EPN2: variants seen among roughly 807,000 people sequenced by gnomAD.
The protein encoded by EPN2 is epsin-2.
A neutral mutation model predicts 61.7 loss-of-function variants in EPN2; 34 were observed. The ratio of observed to expected loss-of-function variants is 0.55; its 90% CI spans 0.42 to 0.73. The LOEUF (loss-of-function observed/expected upper bound fraction) is 0.73, where lower values mean the gene tolerates loss of function less well. EPN2 is among the 30% of genes least tolerant of loss of function. EPN2 has a pLI of 0.00. For missense variants in EPN2, 714 were observed against 839.2 expected (o/e 0.85, Z 1.84); for synonymous variants, 349 against 353.6 (o/e 0.99, Z 0.15).
At position 19,313,153 on chromosome 17, in the gene EPN2, C is replaced by G. The variant is rs771830294; in HGVS notation, c.1021C>G (p.Leu341Val). ...TACGCTGTTGGATTTAATGGATGCT[C>G]TCCCCAGCTCGGGCCCCGCGGCCCA... ...QTTLLDLMDA[L>V]PSSGPAAQKA... The change falls in exon 7 of 11, where the codon CTC (leucine) becomes GTC (valine). Residue 341 changes from leucine (L) to valine (V), a missense_variant. By Grantham distance (32) the Leu-to-Val change is conservative. This residue lies in a region of EPN2 where 410 missense variants were observed against 421.8 expected (regional missense o/e 0.97). Transcript: ENST00000314728. The G allele has an allele frequency of 1.2e-6, 2 of 1,613,756 alleles. No homozygotes were observed. Among genetic ancestry groups the G allele is most frequent in the African/African-American group, 2.7e-5 (2 of 74,900 alleles).
chr17:19,320,352 A>G (rs1363743847), intron 7 of EPN2, among the ~76,000 whole-genome samples: 1 of 152,108 alleles, frequency 6.6e-6, no homozygotes, highest in Non-Finnish European at 1.5e-5. Flanking sequence ...TGTTGCTTGG[A>G]TAGAACAAGG....
intron 1 of EPN2, among the ~76,000 whole-genome samples, chr17:19,272,451 CAT>C (rs558751586): frequency 5.3e-4 from 81 of 152,218 alleles, no homozygotes; most frequent in Middle Eastern, 3.4e-3. Flanking sequence ...TTGGGTTTCT[CAT>C]GACACCATGG....
chr17:19,321,586 G>GA (rs1031312511), intron 7 of EPN2, among the ~76,000 whole-genome samples: 1 of 152,176 alleles, frequency 6.6e-6, no homozygotes, highest in African/African-American at 2.4e-5. Context: ...AGGAGTGGGG[G>GA]ATAGAAGTAA....
Position 19,335,709 on chromosome 17 carries a change from C to G in EPN2, c.*1455C>G, listed in dbSNP as rs1480884410. On this transcript the variant is annotated 3_prime_UTR_variant, in exon 11 of 11. Coordinates refer to ENST00000314728, the MANE Select transcript of EPN2 (RefSeq NM_014964.5). The stretch of plus-strand genomic sequence containing the variant: ...AAGTTGGAGACCTAAAAATAATTCT[C>G]TTGTATTTTGGAGATGAAGAAAAAA... 1 of 379,084 alleles carries G rather than the reference C, an allele frequency of 2.6e-6. No homozygotes were observed. The highest frequency in any genetic ancestry group is 4.7e-6 in the Non-Finnish European group (1 of 213,500). 23.5% of individuals were successfully genotyped at this position (379,084 alleles called of 1,614,324 possible).
intron 1 of EPN2, among the ~76,000 whole-genome samples, chr17:19,239,354 G>A (rs540246091): frequency 9.7e-4 from 147 of 152,300 alleles, no homozygotes; most frequent in African/African-American, 3.4e-3. Flanking sequence ...ATTTCGCCAC[G>A]TTGGCCAGGC....
At chr17:19,306,428 A>G (rs1268209636) in intron 4 of EPN2, among the ~76,000 whole-genome samples, 2 of 152,228 alleles carry the variant, frequency 1.3e-5, no homozygotes, top group African/African-American at 4.8e-5. Context: ...CATCTGCAGA[A>G]CTGAAAGCTG....
In EPN2 at chr17:19,283,853, A is replaced by C. The variant is rs571373747; in HGVS notation, c.595+139A>C. 1.5e-6 allele frequency: 1 copy of C among 656,404 alleles called. No homozygotes were observed. Among genetic ancestry groups the C allele is most frequent in the African/African-American group, 1.8e-5 (1 of 55,030 alleles). 40.7% of individuals were successfully genotyped at this position (656,404 alleles called of 1,614,324 possible). ...CTCAGTACCCAGCTTTTGGTGGCCC[A>C]GGCAAATTGTCCTTGGTCTGGATTG... On this transcript the variant is annotated intron_variant, in intron 3 of 10. Transcript: ENST00000314728. This position sits in a 1 kb window ranked among gnomAD's most constrained non-coding sequence, Gnocchi z 7.0.
intron 1 of EPN2, among the ~76,000 whole-genome samples, chr17:19,239,303 C>T (rs2044856392): frequency 6.6e-6 from 1 of 152,152 alleles, no homozygotes; most frequent in Non-Finnish European, 1.5e-5. Flanking sequence ...GCACGCCATC[C>T]ACCACGCCCG....
rs142020702 is a variant in EPN2 at position 19,325,864 on chromosome 17, T to C, written c.1148-2847T>C. Among the ~76,000 whole-genome samples, 304 of 152,332 alleles carry C rather than the reference T, an allele frequency of 2.0e-3. 2 individuals carry two copies. The highest frequency in any genetic ancestry group is 6.9e-3 in the African/African-American group (289 of 41,590). ...GATAAGTTATTAGAATTAAGAATTA[T>C]TTGAATTATTATTAGAATCAATAAT... On this transcript the variant is annotated intron_variant, in intron 7 of 10. Coordinates refer to ENST00000314728, the MANE Select transcript of EPN2 (RefSeq NM_014964.5).
chr17:19,324,254 A>G (rs1906766578), intron 7 of EPN2, among the ~76,000 whole-genome samples: 1 of 152,242 alleles, frequency 6.6e-6, no homozygotes, highest in Non-Finnish European at 1.5e-5. Flanking sequence ...GAAAACCTTC[A>G]TACACCTAAA....
chr17:19,326,536 A>C (rs954238066), intron 7 of EPN2, among the ~76,000 whole-genome samples: 2 of 151,920 alleles, frequency 1.3e-5, no homozygotes, highest in Non-Finnish European at 2.9e-5. Context: ...AAATACAAAA[A>C]ATAAGCTGGG....
chr17:19,291,575 C>G (rs2045465767), intron 4 of EPN2, among the ~76,000 whole-genome samples: 1 of 151,642 alleles, frequency 6.6e-6, no homozygotes, highest in Non-Finnish European at 1.5e-5. Context: ...GTAGCTGGGA[C>G]TACAGGCGCC....
chr17:19,329,374 C>CTTATA, intron 8 of EPN2, 187 bp from the exon 9 acceptor site: 1 of 548,616 alleles, frequency 1.8e-6, no homozygotes, highest in Non-Finnish European at 3.2e-6. Context: ...CTCCCTGTCT[C>CTTATA]CCCTCCCAGC....
At chr17:19,300,432 T>TTTTC (rs1456834807) in intron 4 of EPN2, among the ~76,000 whole-genome samples, 2 of 146,312 alleles carry the variant, frequency 1.4e-5, no homozygotes, top group East Asian at 4.0e-4. Flanking sequence ...TAAATCTTTT[T>TTTTC]TTTTTTTTTT....
intron 4 of EPN2, among the ~76,000 whole-genome samples, chr17:19,302,957 A>G (rs886996083): frequency 2.0e-5 from 3 of 152,220 alleles, no homozygotes; most frequent in African/African-American, 7.2e-5. Flanking sequence ...GGAGAAGCAC[A>G]TAGGGCAGGG....
At chr17:19,289,724 GTTT>G (rs58087532) in intron 4 of EPN2, among the ~76,000 whole-genome samples, 38 of 78,022 alleles carry the variant, frequency 4.9e-4, no homozygotes, top group South Asian at 1.2e-3. Flanking sequence ...GGCGCTCATG[GTTT>G]TTTTTTTTTT....
chr17:19,243,426 G>T (rs977177342), intron 1 of EPN2, among the ~76,000 whole-genome samples: 1 of 115,772 alleles, frequency 8.6e-6, no homozygotes, highest in Non-Finnish European at 1.6e-5. Context: ...ACGGAGTCTC[G>T]CTGTCTCCCA....
intron 4 of EPN2, among the ~76,000 whole-genome samples, chr17:19,305,493 G>A (rs1200545172): frequency 6.6e-6 from 1 of 152,172 alleles, no homozygotes; most frequent in Non-Finnish European, 1.5e-5. Context: ...ATTAGAGGAG[G>A]CTTTTTAATC....
rs184352218 is a variant in EPN2 at position 19,263,220 on chromosome 17, C to T, written c.-293-18735C>T. Among the ~76,000 whole-genome samples, 15 of 152,282 alleles carry T rather than the reference C, an allele frequency of 9.9e-5. No individual in the cohort carries two copies. In the East Asian group the frequency reaches 2.7e-3, roughly 27 times the overall value. ...CTCATTGCCGTGCCATGGCTGACTTCAGAGGAGGTGGGAAAATGCACTTCT... is the reference window on the plus strand; with the variant it reads ...CTCATTGCCGTGCCATGGCTGACTTTAGAGGAGGTGGGAAAATGCACTTCT... On this transcript the variant is annotated intron_variant, in intron 1 of 10. Transcript: ENST00000314728.
Sources: allele counts gnomAD v4.1 joint callset (sites outside exome capture counted in the v4.1 genomes callset), GRCh38; gene constraint gnomAD v4.1.1; regional missense constraint gnomAD v4.1.1; non-coding constraint Gnocchi (gnomAD v3.1); transcripts MANE v1.5; gene names NCBI Gene and HGNC (gene_info 2026-07-23, HGNC 2026-07-21).